Variants in RNF180 observed in about 807,000 individuals in gnomAD.
RNF180 encodes E3 ubiquitin-protein ligase RNF180.
Under a neutral mutation model 59.2 loss-of-function variants are expected in RNF180, and 38 were observed. The observed-to-expected ratio is 0.64, with a 90% CI of 0.50 to 0.84. The LOEUF (loss-of-function observed/expected upper bound fraction) is 0.84, where lower values mean the gene tolerates loss of function less well. Ranked by LOEUF, RNF180 falls within the 40% of genes least tolerant of loss-of-function variation. The probability of loss-of-function intolerance (pLI) is 0.00; values close to 1 mark genes in which losing one functional copy is unlikely to be tolerated. For synonymous variants in RNF180, 262 were observed against 240.3 expected (o/e 1.09, Z -0.84); for missense variants, 705 against 700.9 (o/e 1.01, Z -0.07).
chr5:64,251,229 A>G (rs1169489692), intron 5 of RNF180, among the ~76,000 whole-genome samples: 1 of 152,178 alleles, frequency 6.6e-6, no homozygotes, highest in Non-Finnish European at 1.5e-5. Flanking sequence ...CGAGCCCACA[A>G]CTAACATCAT....
At chr5:64,250,975 C>T (rs1743536376) in intron 5 of RNF180, among the ~76,000 whole-genome samples, 1 of 152,128 alleles carries the variant, frequency 6.6e-6, no homozygotes, top group South Asian at 2.1e-4. Flanking sequence ...TACTAGCAAA[C>T]TGAAGTCAAC....
chr5:64,238,077 A>G (rs1742561302), intron 5 of RNF180, among the ~76,000 whole-genome samples: 1 of 152,214 alleles, frequency 6.6e-6, no homozygotes, highest in African/African-American at 2.4e-5. Flanking sequence ...ACCTCATATA[A>G]GTGGAACCAT....
intron 5 of RNF180, among the ~76,000 whole-genome samples, chr5:64,267,923 A>G (rs1015438895): frequency 7.2e-5 from 11 of 152,304 alleles, no homozygotes; most frequent in African/African-American, 2.4e-4. Context: ...TTTGTCTTCT[A>G]CATTTATCAT....
chr5:64,327,023 A>G (rs1561263466), intron 6 of RNF180, among the ~76,000 whole-genome samples: 3 of 152,128 alleles, frequency 2.0e-5, no homozygotes, highest in Non-Finnish European at 4.4e-5. Context: ...TCTTTGTTCA[A>G]TCTTGGTAGG....
chr5:64,250,460 A>G (rs1743495119), intron 5 of RNF180, among the ~76,000 whole-genome samples: 1 of 152,182 alleles, frequency 6.6e-6, no homozygotes, highest in Non-Finnish European at 1.5e-5. Context: ...ATAATAGAAA[A>G]GATCAACAAT....
At chr5:64,296,180 C>G (rs1429171288) in intron 5 of RNF180, among the ~76,000 whole-genome samples, 1 of 152,040 alleles carries the variant, frequency 6.6e-6, no homozygotes, top group East Asian at 1.9e-4. Context: ...GCACTTAGGT[C>G]CACGGAAATT....
chr5:64,197,352 T>C (rs1751505859), intron 1 of RNF180, among the ~76,000 whole-genome samples: 1 of 152,238 alleles, frequency 6.6e-6, no homozygotes, highest in African/African-American at 2.4e-5. Flanking sequence ...TTCATGCCGC[T>C]GGTGTCTGTG....
At chr5:64,197,859 T>C (rs894641505) in intron 1 of RNF180, among the ~76,000 whole-genome samples, 41 of 152,212 alleles carry the variant, frequency 2.7e-4, no homozygotes, top group Admixed American at 2.0e-3. Context: ...ATACAAAGAT[T>C]ACATCCTAGA....
intron 1 of RNF180, among the ~76,000 whole-genome samples, chr5:64,180,849 C>A (rs988260045): frequency 1.3e-5 from 2 of 152,106 alleles, no homozygotes; most frequent in Admixed American, 6.5e-5. Flanking sequence ...GTGTTCCCAG[C>A]AAATTCCAGG....
At chr5:64,246,249 G>A (rs570008943) in intron 5 of RNF180, among the ~76,000 whole-genome samples, 55 of 151,936 alleles carry the variant, frequency 3.6e-4, no homozygotes, top group African/African-American at 9.2e-4. Flanking sequence ...AGCAGAAGAC[G>A]AGTAATAACT....
intron 1 of RNF180, among the ~76,000 whole-genome samples, chr5:64,176,367 G>T (rs942095799): frequency 2.0e-5 from 3 of 151,412 alleles, no homozygotes; most frequent in African/African-American, 7.3e-5. Flanking sequence ...TTTTCTTAAG[G>T]TTCTGTTAAT....
chr5:64,223,620 T>G (rs1005679662), intron 5 of RNF180, among the ~76,000 whole-genome samples: 1 of 152,236 alleles, frequency 6.6e-6, no homozygotes, highest in Admixed American at 6.5e-5. Flanking sequence ...GTCCCAAAGT[T>G]TGTGCCCTTA....
At chr5:64,209,941 T>G (rs2112098845) in intron 2 of RNF180, among the ~76,000 whole-genome samples, 1 of 152,254 alleles carries the variant, frequency 6.6e-6, no homozygotes, top group Non-Finnish European at 1.5e-5. Context: ...TACTGTTTAG[T>G]TTTATTGAGT....
intron 5 of RNF180, among the ~76,000 whole-genome samples, chr5:64,281,411 T>C (rs1380243491): frequency 1.3e-5 from 2 of 152,240 alleles, no homozygotes; most frequent in East Asian, 3.8e-4. Context: ...AGCTTTTGCC[T>C]ATTCAGGATA....
intron 5 of RNF180, among the ~76,000 whole-genome samples, chr5:64,260,804 C>G (rs1241645640): frequency 6.6e-6 from 1 of 152,178 alleles, no homozygotes; most frequent in Admixed American, 6.5e-5. Flanking sequence ...ATGTTAATCC[C>G]TGTCTTAAAA....
chr5:64,172,740 A>G (rs1233164645), intron 1 of RNF180, among the ~76,000 whole-genome samples: 1 of 152,094 alleles, frequency 6.6e-6, no homozygotes, highest in Non-Finnish European at 1.5e-5. Flanking sequence ...ATTGCAGGAG[A>G]GTTGACCCTC....
intron 5 of RNF180, among the ~76,000 whole-genome samples, chr5:64,241,305 T>C (rs1334546480): frequency 6.6e-6 from 1 of 152,236 alleles, no homozygotes; most frequent in East Asian, 1.9e-4. Flanking sequence ...TGACTGTGTG[T>C]CATTATTCAG....
At chr5:64,339,693 GT>G (rs999196616) in intron 7 of RNF180, among the ~76,000 whole-genome samples, 116 of 145,634 alleles carry the variant, frequency 8.0e-4, no homozygotes, top group African/African-American at 1.6e-3. Flanking sequence ...AAATTAGTGG[GT>G]TTTTTTTTTT....
intron 7 of RNF180, among the ~76,000 whole-genome samples, chr5:64,354,424 A>G (rs1257338363): frequency 1.3e-5 from 2 of 151,828 alleles, no homozygotes; most frequent in African/African-American, 4.8e-5. Flanking sequence ...TCTCAACAGA[A>G]CTATAACAAG....
Sources: allele counts gnomAD v4.1 joint callset (sites outside exome capture counted in the v4.1 genomes callset), GRCh38; gene constraint gnomAD v4.1.1; transcripts MANE v1.5; gene names NCBI Gene and HGNC (gene_info 2026-07-23, HGNC 2026-07-21).